The following PEBP4 variants were observed in gnomAD, a reference collection of about 807,000 sequenced individuals.
The protein encoded by PEBP4 is phosphatidylethanolamine-binding protein 4.
A neutral mutation model predicts 23.9 loss-of-function variants in PEBP4; 22 were observed. The observed-to-expected ratio is 0.92, with a 90% CI of 0.66 to 1.31. PEBP4 has a LOEUF of 1.31. PEBP4 is among the 40% of genes most tolerant of loss of function. The probability of loss-of-function intolerance (pLI) is 0.00; values close to 1 mark genes in which losing one functional copy is unlikely to be tolerated. For missense variants in PEBP4, 324 were observed against 281.7 expected, an observed-to-expected ratio of 1.15 and a Z score of -1.07; for synonymous variants, 112 against 99.3, an observed-to-expected ratio of 1.13 and a Z score of -0.76.
chr8:22,743,257 C>T (rs1391036993), intron 4 of PEBP4, among the ~76,000 whole-genome samples: 1 of 152,012 alleles, frequency 6.6e-6, no homozygotes, highest in Non-Finnish European at 1.5e-5. Context: ...TACTGACCTC[C>T]TGGGCAGGAC....
chr8:22,867,552 C>T (rs988181684), intron 3 of PEBP4, among the ~76,000 whole-genome samples: 1 of 152,160 alleles, frequency 6.6e-6, no homozygotes, highest in African/African-American at 2.4e-5. Context: ...CCCTGGGTTC[C>T]CCCTTTCCAT....
chr8:22,821,485 A>G (rs916377335), intron 3 of PEBP4, among the ~76,000 whole-genome samples: 2 of 152,142 alleles, frequency 1.3e-5, no homozygotes, highest in African/African-American at 4.8e-5. Flanking sequence ...TATTAGGGGT[A>G]GCAAAGTCAG....
chr8:22,876,253 C>T (rs1194762361), intron 3 of PEBP4, among the ~76,000 whole-genome samples: 3 of 152,138 alleles, frequency 2.0e-5, no homozygotes, highest in Non-Finnish European at 2.9e-5. Context: ...CCCTTATTAC[C>T]GCAGCTGCTA....
intron 4 of PEBP4, among the ~76,000 whole-genome samples, chr8:22,759,673 A>G (rs1805465314): frequency 6.6e-6 from 1 of 152,148 alleles, no homozygotes; most frequent in African/African-American, 2.4e-5. Flanking sequence ...AGGGGGTTGC[A>G]ATCTTGATTC....
chr8:22,873,917 C>T (rs1040729650), intron 3 of PEBP4, among the ~76,000 whole-genome samples: 1 of 152,114 alleles, frequency 6.6e-6, no homozygotes, highest in Non-Finnish European at 1.5e-5. Context: ...ATTGGAGCCC[C>T]TCCCTGTTTC....
intron 4 of PEBP4, among the ~76,000 whole-genome samples, chr8:22,750,316 G>A (rs963821200): frequency 6.6e-6 from 1 of 150,422 alleles, no homozygotes; most frequent in African/African-American, 2.5e-5. Flanking sequence ...TGGTCAGGCT[G>A]GTCTCAAACC....
intron 4 of PEBP4, among the ~76,000 whole-genome samples, chr8:22,773,948 A>G (rs1392894765): frequency 6.6e-6 from 1 of 152,124 alleles, no homozygotes; most frequent in Non-Finnish European, 1.5e-5. Context: ...GGTGCTATAC[A>G]CAGGGGGTAG....
chr8:22,786,689 C>T (rs1047909645), intron 4 of PEBP4, among the ~76,000 whole-genome samples: 2 of 152,176 alleles, frequency 1.3e-5, no homozygotes, highest in African/African-American at 2.4e-5. Flanking sequence ...TCAGTCCTAA[C>T]GTCATCAAAT....
upstream of PEBP4, among the ~76,000 whole-genome samples, chr8:22,931,048 C>T (rs7813011): frequency 4.3e-3 from 648 of 152,222 alleles, no homozygotes; most frequent in African/African-American, 0.013. Context: ...CCCTTCTTAT[C>T]CCTCCAGGCC....
intron 3 of PEBP4, among the ~76,000 whole-genome samples, chr8:22,856,665 G>A (rs996624426): frequency 2.0e-5 from 3 of 152,072 alleles, no homozygotes; most frequent in South Asian, 4.1e-4. Flanking sequence ...TCTGTGAACC[G>A]AGATTGCCCC....
chr8:22,785,491 A>G (rs1175484827), intron 4 of PEBP4, among the ~76,000 whole-genome samples: 1 of 152,134 alleles, frequency 6.6e-6, no homozygotes. Context: ...CTAAAAGGCA[A>G]ATTGAGGTCG....
At chr8:22,769,814 G>T (rs1035395736) in intron 4 of PEBP4, among the ~76,000 whole-genome samples, 1 of 152,000 alleles carries the variant, frequency 6.6e-6, no homozygotes, top group African/African-American at 2.4e-5. Context: ...AGAAAATTTA[G>T]AAAATACCAA....
At chr8:22,759,816 A>G (rs1440821770) in intron 4 of PEBP4, among the ~76,000 whole-genome samples, 1 of 152,126 alleles carries the variant, frequency 6.6e-6, no homozygotes, top group Non-Finnish European at 1.5e-5. Flanking sequence ...CTCAACTGGG[A>G]ACAGCCTCCC....
intron 2 of PEBP4, among the ~76,000 whole-genome samples, chr8:22,924,061 A>T (rs1012087532): frequency 6.6e-6 from 1 of 152,176 alleles, no homozygotes; most frequent in Non-Finnish European, 1.5e-5. Context: ...AGTGTGGGTC[A>T]CCCCACTTGA....
At chr8:22,879,177 A>C (rs1373405016) in intron 3 of PEBP4, 1 of 152,362 alleles carries the variant, frequency 6.6e-6, no homozygotes, top group Middle Eastern at 3.4e-3. Flanking sequence ...GGTTTAACTG[A>C]TCTGTGTGAG....
At chr8:22,785,736 C>T (rs1045183981) in intron 4 of PEBP4, among the ~76,000 whole-genome samples, 1 of 152,190 alleles carries the variant, frequency 6.6e-6, no homozygotes, top group African/African-American at 2.4e-5. Context: ...ACTCCAGGTC[C>T]CCGGAGAGGC....
intron 4 of PEBP4, among the ~76,000 whole-genome samples, chr8:22,759,384 C>G (rs1805457900): frequency 6.6e-6 from 1 of 150,970 alleles, no homozygotes; most frequent in Admixed American, 6.6e-5. Context: ...AAAGGGTGGA[C>G]TGGAGTAAGC....
At chr8:22,902,091 G>A (rs1368029229) in intron 3 of PEBP4, among the ~76,000 whole-genome samples, 1 of 152,186 alleles carries the variant, frequency 6.6e-6, no homozygotes, top group Non-Finnish European at 1.5e-5. Flanking sequence ...GGCTGAGGCG[G>A]GTGGATCACC....
intron 3 of PEBP4, among the ~76,000 whole-genome samples, chr8:22,860,529 G>C (rs913113040): frequency 2.6e-5 from 4 of 152,076 alleles, no homozygotes; most frequent in Non-Finnish European, 5.9e-5. Flanking sequence ...ATGTCCTCAA[G>C]TTCCATCCAT....
Sources: gnomAD v4.1 joint callset for allele counts (sites outside exome capture counted in the v4.1 genomes callset) on GRCh38, gnomAD v4.1.1 for gene constraint, MANE v1.5 for transcripts, NCBI Gene and HGNC (gene_info 2026-07-23, HGNC 2026-07-21) for gene names.